SYN3: variants seen among roughly 807,000 people sequenced by gnomAD.
SYN3 encodes synapsin III.
SYN3 carries 35 observed loss-of-function variants against 65.8 expected under a neutral mutation model. That is an observed-to-expected ratio of 0.53 (90% CI 0.41 to 0.70). The LOEUF (loss-of-function observed/expected upper bound fraction) is 0.70, where lower values mean the gene tolerates loss of function less well. Among genes scored for constraint, SYN3 ranks in the 30% least tolerant of loss-of-function variants. The pLI is 0.00. For synonymous variants in SYN3, 270 were observed against 292.9 expected (o/e 0.92, Z 0.80); for missense variants, 680 against 749.0 (o/e 0.91, Z 1.08).
chr22:32,805,593 C>G (rs1040073541), intron 6 of SYN3, among the ~76,000 whole-genome samples: 1 of 152,014 alleles, frequency 6.6e-6, no homozygotes. Flanking sequence ...CCTGGTTGCA[C>G]GCACTTCCCA....
chr22:32,709,112 C>T (rs1239507534), intron 6 of SYN3, among the ~76,000 whole-genome samples: 2 of 152,220 alleles, frequency 1.3e-5, no homozygotes, highest in Non-Finnish European at 2.9e-5. Flanking sequence ...GCCAACAGGC[C>T]TTCTGGAAAT....
At chr22:32,919,988 TCCTC>T (rs2050293232) in intron 4 of SYN3, among the ~76,000 whole-genome samples, 1 of 152,006 alleles carries the variant, frequency 6.6e-6, no homozygotes, top group Non-Finnish European at 1.5e-5. Context: ...GCCCCAAACA[TCCTC>T]CCTACAAACA....
intron 6 of SYN3, among the ~76,000 whole-genome samples, chr22:32,685,463 C>T (rs1601911142): frequency 6.6e-6 from 1 of 152,214 alleles, no homozygotes; most frequent in East Asian, 1.9e-4. Flanking sequence ...TGTAATGGAG[C>T]TGCCCTATAC....
At chr22:32,903,781 A>C (rs2049828378) in intron 4 of SYN3, among the ~76,000 whole-genome samples, 1 of 152,240 alleles carries the variant, frequency 6.6e-6, no homozygotes, top group African/African-American at 2.4e-5. Flanking sequence ...GGCAATCGGC[A>C]ATGACTGACG....
At chr22:32,764,172 A>T (rs1379013355) in intron 6 of SYN3, among the ~76,000 whole-genome samples, 1 of 152,000 alleles carries the variant, frequency 6.6e-6, no homozygotes, top group East Asian at 1.9e-4. Context: ...CGAACTCCAG[A>T]CCTCAGGTGA....
chr22:32,791,048 C>A (rs2046313892), intron 6 of SYN3, among the ~76,000 whole-genome samples: 1 of 152,192 alleles, frequency 6.6e-6, no homozygotes, highest in African/African-American at 2.4e-5. Flanking sequence ...ATCTCCACCA[C>A]AGATTAACTG....
intron 3 of SYN3, among the ~76,000 whole-genome samples, chr22:32,966,970 T>C (rs1410628224): frequency 6.6e-6 from 1 of 152,186 alleles, no homozygotes; most frequent in Non-Finnish European, 1.5e-5. Flanking sequence ...TCAGTTAAAC[T>C]GACTCTGAAT....
intron 7 of SYN3, among the ~76,000 whole-genome samples, chr22:32,571,660 G>A (rs2058760571): frequency 6.6e-6 from 1 of 152,150 alleles, no homozygotes; most frequent in Non-Finnish European, 1.5e-5. Context: ...TATGAAAGGT[G>A]GCACTGTTTA....
intron 6 of SYN3, among the ~76,000 whole-genome samples, chr22:32,740,827 A>G (rs2061395015): frequency 6.6e-6 from 1 of 152,098 alleles, no homozygotes; most frequent in Admixed American, 6.5e-5. Context: ...TCGAGAAGAG[A>G]TGGGAGGGCT....
chr22:32,523,084 C>T lies in SYN3; in HGVS notation c.1319-4750G>A, dbSNP rs569900713. The stretch of plus-strand genomic sequence containing the variant: ...ATGTACTCATGTGGTGTCTGTGCCT[C>T]ACATTTGACAATTGTCACAAATTTC... On this transcript the variant is annotated intron_variant, in intron 12 of 13. Coordinates refer to ENST00000358763, the MANE Select transcript of SYN3 (RefSeq NM_003490.4). 3.9e-5 allele frequency among the ~76,000 whole-genome samples: 6 copies of T among 152,212 alleles called. No individual in the cohort carries two copies. The South Asian group carries it at 1.0e-3, about 26-fold the overall frequency.
chr22:32,911,893 G>A (rs2050061463), intron 4 of SYN3, among the ~76,000 whole-genome samples: 1 of 152,150 alleles, frequency 6.6e-6, no homozygotes, highest in Non-Finnish European at 1.5e-5. Flanking sequence ...AAAAGAAGGT[G>A]GCATGGTGTA....
intron 6 of SYN3, among the ~76,000 whole-genome samples, chr22:32,814,666 C>T (rs571560750): frequency 1.3e-5 from 2 of 152,268 alleles, no homozygotes; most frequent in South Asian, 2.1e-4. Flanking sequence ...TAGAATGCTC[C>T]ACCTGGATAG....
At chr22:33,034,177 C>T (rs115426623) in intron 1 of SYN3, among the ~76,000 whole-genome samples, 3,142 of 144,042 alleles carry the variant, frequency 0.022, 116 homozygotes, top group African/African-American at 0.074. Context: ...CAGAGCAAGA[C>T]TCTGTGTTAA....
intron 6 of SYN3, among the ~76,000 whole-genome samples, chr22:32,742,473 G>A (rs1463471111): frequency 6.6e-6 from 1 of 152,086 alleles, no homozygotes; most frequent in Non-Finnish European, 1.5e-5. Flanking sequence ...GTGGAGGCAA[G>A]GAAAAGAATG....
chr22:32,841,534 A>G (rs893357557), intron 6 of SYN3, among the ~76,000 whole-genome samples: 2 of 152,136 alleles, frequency 1.3e-5, no homozygotes, highest in Non-Finnish European at 2.9e-5. Flanking sequence ...GGTGCAGGGA[A>G]GGCCTGTTAT....
chr22:32,827,988 C>A (rs1016460760), intron 6 of SYN3, among the ~76,000 whole-genome samples: 1 of 152,150 alleles, frequency 6.6e-6, no homozygotes, highest in African/African-American at 2.4e-5. Context: ...CTTGTCTATT[C>A]CCCTTTGCCT....
At chr22:32,596,570 G>A (rs1014426585) in intron 7 of SYN3, 104 bp downstream of exon 7, 5 of 1,151,506 alleles carry the variant, frequency 4.3e-6, no homozygotes, top group East Asian at 2.5e-5. Flanking sequence ...TCTGTTCTGG[G>A]TGCCTGTGCT....
intron 6 of SYN3, among the ~76,000 whole-genome samples, chr22:32,841,322 A>T (rs1329333609): frequency 1.3e-5 from 2 of 152,170 alleles, no homozygotes; most frequent in African/African-American, 2.4e-5. Flanking sequence ...GATAGAGCAC[A>T]GTGTCAGGGG....
At chr22:32,562,301 AC>A (rs1379076807) in intron 7 of SYN3, among the ~76,000 whole-genome samples, 1 of 152,040 alleles carries the variant, frequency 6.6e-6, no homozygotes, top group Non-Finnish European at 1.5e-5. Context: ...TCATTGCATG[AC>A]CCCTTGGCTT....
Sources: gnomAD v4.1 joint callset for allele counts (sites outside exome capture counted in the v4.1 genomes callset) on GRCh38, gnomAD v4.1.1 for gene constraint, MANE v1.5 for transcripts, NCBI Gene and HGNC (gene_info 2026-07-23, HGNC 2026-07-21) for gene names.